HPSE2: variants seen among roughly 807,000 people sequenced by gnomAD.
The protein encoded by HPSE2 is inactive heparanase-2.
A neutral mutation model predicts 60.5 loss-of-function variants in HPSE2; 38 were observed. The ratio of observed to expected loss-of-function variants is 0.63; its 90% CI spans 0.48 to 0.82. The LOEUF (loss-of-function observed/expected upper bound fraction) is 0.82, where lower values mean the gene tolerates loss of function less well. Among genes scored for constraint, HPSE2 ranks in the 40% least tolerant of loss-of-function variants. The pLI is 0.00. For missense variants in HPSE2, 713 were observed against 740.4 expected (o/e 0.96, Z 0.43); for synonymous variants, 295 against 293.2 (o/e 1.01, Z -0.06).
intron 2 of HPSE2, among the ~76,000 whole-genome samples, chr10:99,173,781 A>G (rs1417935014): frequency 2.0e-5 from 3 of 152,026 alleles, no homozygotes; most frequent in African/African-American, 7.2e-5. Context: ...CGTCTCTACT[A>G]AAAGTACAAA....
chr10:99,041,421 C>CA (rs1257592083), intron 3 of HPSE2, among the ~76,000 whole-genome samples: 3 of 152,128 alleles, frequency 2.0e-5, no homozygotes, highest in African/African-American at 7.2e-5. Flanking sequence ...CCTGGGGACC[C>CA]ATACTTCTGC....
chr10:99,002,112 T>TAA (rs1284573041), intron 3 of HPSE2, among the ~76,000 whole-genome samples: 1 of 152,126 alleles, frequency 6.6e-6, no homozygotes, highest in Non-Finnish European at 1.5e-5. Context: ...GGGAGCCAAC[T>TAA]GAAAGAGCTC....
At chr10:99,305,852 A>G in the HPSE2 span, among the ~76,000 whole-genome samples, 2 of 152,236 alleles carry the variant, frequency 1.3e-5, no homozygotes, top group Non-Finnish European at 2.9e-5. Context: ...CTCAAACTAA[A>G]TATCTGACAT....
At chr10:98,689,178 T>G (rs1266437797) in intron 6 of HPSE2, among the ~76,000 whole-genome samples, 1 of 152,190 alleles carries the variant, frequency 6.6e-6, no homozygotes, top group Non-Finnish European at 1.5e-5. Flanking sequence ...AAAAAAAAAT[T>G]TCTGCCACAT....
chr10:99,053,020 C>A (rs1958024684), intron 3 of HPSE2, among the ~76,000 whole-genome samples: 1 of 137,128 alleles, frequency 7.3e-6, no homozygotes, highest in Non-Finnish European at 1.6e-5. Context: ...TGGTATTTTC[C>A]ATCTTTTATT....
rs542087627 is a variant in HPSE2 at position 98,930,832 on chromosome 10, A to G, written c.611-186776T>C. Among the ~76,000 whole-genome samples, 62 of 144,106 alleles carry G rather than the reference A, an allele frequency of 4.3e-4. 13 individuals are homozygous for G. Among genetic ancestry groups the G allele is most frequent in the African/African-American group, 1.7e-3 (59 of 35,544 alleles). The allele number at this position is 144,106 out of a possible 152,430, so 94.5% of individuals were successfully genotyped here. On this transcript the variant is annotated intron_variant, in intron 3 of 11. Transcript: ENST00000370552. ...TTTGATGGGGTTGTTTTTTGCTTGT[A>G]AATTTGCATAAGTTCCTTGTAGATT...
chr10:99,158,747 TAA>T (rs1041022997), intron 2 of HPSE2, among the ~76,000 whole-genome samples: 6 of 142,454 alleles, frequency 4.2e-5, no homozygotes, highest in Non-Finnish European at 6.2e-5. Context: ...AAAGTATAAT[TAA>T]AAAAAAAAAG....
intron 9 of HPSE2, among the ~76,000 whole-genome samples, chr10:98,589,223 C>T (rs1197980096): frequency 1.3e-5 from 2 of 152,304 alleles, no homozygotes; most frequent in East Asian, 3.9e-4. Context: ...ATAATCACAG[C>T]TGTGTAGTCA....
At chr10:98,648,156 G>A (rs1185131488) in intron 6 of HPSE2, among the ~76,000 whole-genome samples, 1 of 152,122 alleles carries the variant, frequency 6.6e-6, no homozygotes, top group Admixed American at 6.5e-5. Context: ...CTAACTCTTT[G>A]CACACTTTGG....
At chr10:99,232,315 C>A (rs1370193161) in intron 2 of HPSE2, 33 bp downstream of exon 2, 1 of 1,551,112 alleles carries the variant, frequency 6.4e-7, no homozygotes, top group Admixed American at 2.0e-5. Flanking sequence ...TGCTTCCGCT[C>A]CCCAAATAAA....
At chr10:98,906,194 T>C (rs148100992) in intron 3 of HPSE2, among the ~76,000 whole-genome samples, 1 of 152,286 alleles carries the variant, frequency 6.6e-6, no homozygotes, top group East Asian at 1.9e-4. Flanking sequence ...CCAATTCTGC[T>C]TTCTTCCCTT....
At chr10:98,905,156 T>C (rs1183746017) in intron 3 of HPSE2, among the ~76,000 whole-genome samples, 3 of 152,000 alleles carry the variant, frequency 2.0e-5, no homozygotes, top group Non-Finnish European at 4.4e-5. Flanking sequence ...TAACAAGTAC[T>C]TCTTCTTTTT....
At position 99,024,300 on chromosome 10, in the gene HPSE2, G is replaced by C. The variant is rs183630719; in HGVS notation, c.610+119938C>G. On this transcript the variant is annotated intron_variant, in intron 3 of 11. Coordinates refer to ENST00000370552, the MANE Select transcript of HPSE2 (RefSeq NM_021828.5). ...TTAAAAATACACAGAGGAGACAAAA[G>C]AAAAAGGAATAAAAAACAATGAAGC... is the stretch of plus-strand genomic sequence containing the variant. Among the ~76,000 whole-genome samples the C allele has an allele frequency of 4.7e-4, 71 of 152,048 alleles. 2 individuals carry two copies. In the East Asian group the frequency reaches 0.013, roughly 28 times the overall value.
intron 3 of HPSE2, among the ~76,000 whole-genome samples, chr10:98,977,747 G>C (rs1258375767): frequency 1.3e-5 from 2 of 151,846 alleles, no homozygotes; most frequent in East Asian, 3.9e-4. Flanking sequence ...CACAAGAAGA[G>C]TCAAAAGTTA....
intron 2 of HPSE2, among the ~76,000 whole-genome samples, chr10:99,173,451 A>G (rs749688793): frequency 1.3e-5 from 2 of 152,204 alleles, no homozygotes; most frequent in Non-Finnish European, 2.9e-5. Flanking sequence ...CAAGGTAGAC[A>G]GTGATGCCCT....
intron 2 of HPSE2, among the ~76,000 whole-genome samples, chr10:99,165,696 G>A (rs1259346810): frequency 1.3e-5 from 2 of 151,902 alleles, no homozygotes; most frequent in Admixed American, 6.6e-5. Context: ...ACAGATGCGT[G>A]TCACCATGCC....
intron 3 of HPSE2, among the ~76,000 whole-genome samples, chr10:98,801,241 C>T (rs773654479): frequency 4.6e-5 from 7 of 152,136 alleles, no homozygotes; most frequent in African/African-American, 7.2e-5. Flanking sequence ...AACAGACCCA[C>T]GGCTAGTATC....
At chr10:99,102,361 G>C (rs891179998) in intron 3 of HPSE2, among the ~76,000 whole-genome samples, 36 of 152,108 alleles carry the variant, frequency 2.4e-4, no homozygotes, top group East Asian at 9.6e-4. Flanking sequence ...CACCTCTACG[G>C]AAATAAACGA....
chr10:98,974,858 T>G (rs1467631299), intron 3 of HPSE2, among the ~76,000 whole-genome samples: 1 of 152,192 alleles, frequency 6.6e-6, no homozygotes, highest in Non-Finnish European at 1.5e-5. Context: ...GTACTAATAT[T>G]ATTTTGGAAG....
Sources: allele counts gnomAD v4.1 joint callset (sites outside exome capture counted in the v4.1 genomes callset), GRCh38; gene constraint gnomAD v4.1.1; transcripts MANE v1.5; gene names NCBI Gene and HGNC (gene_info 2026-07-23, HGNC 2026-07-21).